Variants in DLGAP2 observed in about 807,000 individuals in gnomAD.
DLGAP2 encodes the protein disks large-associated protein 2.
A neutral mutation model predicts 100.3 loss-of-function variants in DLGAP2; 26 were observed. That is an observed-to-expected ratio of 0.26 (90% confidence interval 0.19 to 0.36). DLGAP2 has a LOEUF of 0.36. Among genes scored for constraint, DLGAP2 ranks in the 10% least tolerant of loss-of-function variants. The probability of loss-of-function intolerance (pLI) is 1.00; values close to 1 mark genes in which losing one functional copy is unlikely to be tolerated. For synonymous variants in DLGAP2, 886 were observed against 630.1 expected (o/e 1.41, Z -6.08); for missense variants, 1,858 against 1,453.2 (o/e 1.28, Z -4.53).
rs955279951 is a variant in DLGAP2, at chr8:1,549,184, A to G, written c.731A>G (p.His244Arg). 6.3e-7 allele frequency: 1 copy of G among 1,599,492 alleles called. No homozygotes were observed. The highest frequency in any genetic ancestry group is 8.5e-7 in the Non-Finnish European group (1 of 1,173,976). Residue 244 changes from histidine to arginine, a missense_variant, in exon 5 of 15, where the codon CAC (histidine) becomes CGC (arginine). His to Arg is a conservative substitution (Grantham distance 29, BLOSUM62 0). Coordinates refer to ENST00000637795, the MANE Select transcript of DLGAP2 (RefSeq NM_001346810.2). Reference protein sequence around the residue: ...HSVQKLFTKSHSLEGSSKSNA... With the variant: ...HSVQKLFTKSRSLEGSSKSNA... Reference sequence around the variant, plus strand: ...GTGCAGAAGCTCTTCACCAAGTCGCACTCGCTGGAGGGCTCCTCCAAAAGC... The same window carrying G: ...GTGCAGAAGCTCTTCACCAAGTCGCGCTCGCTGGAGGGCTCCTCCAAAAGC...
At chr8:1,335,602 T>G (rs868022527) in intron 3 of DLGAP2, among the ~76,000 whole-genome samples, 2 of 151,934 alleles carry the variant, frequency 1.3e-5, no homozygotes, top group Non-Finnish European at 2.9e-5. Flanking sequence ...GGTGGAAGTT[T>G]CTGGAAGCAG....
intron 3 of DLGAP2, among the ~76,000 whole-genome samples, chr8:1,457,859 T>G (rs1055054053): frequency 5.9e-5 from 9 of 151,598 alleles, no homozygotes; most frequent in Non-Finnish European, 1.2e-4. Context: ...GTCATTTTCT[T>G]TGTTAATTCT....
chr8:778,285 G>T (rs552705748), intron 1 of DLGAP2, among the ~76,000 whole-genome samples: 2 of 152,020 alleles, frequency 1.3e-5, no homozygotes, highest in African/African-American at 4.8e-5. Flanking sequence ...TTTACCTTTG[G>T]TTTGCGTGTC....
At chr8:1,287,234 T>G (rs1799944665) in intron 3 of DLGAP2, among the ~76,000 whole-genome samples, 1 of 133,820 alleles carries the variant, frequency 7.5e-6, no homozygotes, top group African/African-American at 2.9e-5. Flanking sequence ...TGTATGTGGT[T>G]TTGTTAGGAG....
chr8:1,296,047 T>C (rs1437161821), intron 3 of DLGAP2: 1 of 152,160 alleles, frequency 6.6e-6, no homozygotes, highest in Non-Finnish European at 1.5e-5. Flanking sequence ...CTGCCAACAA[T>C]CCTTTTATTT....
intron 3 of DLGAP2, among the ~76,000 whole-genome samples, chr8:1,482,074 A>C (rs1425807017): frequency 6.6e-6 from 1 of 152,234 alleles, no homozygotes; most frequent in Non-Finnish European, 1.5e-5. Context: ...CACCATGCTC[A>C]CAAGAAATGA....
At chr8:1,482,898 C>T (rs908235259) in intron 3 of DLGAP2, among the ~76,000 whole-genome samples, 2 of 152,252 alleles carry the variant, frequency 1.3e-5, no homozygotes, top group Non-Finnish European at 2.9e-5. Context: ...AAGACACGAG[C>T]GAGGACAGGG....
chr8:1,122,534 C>T (rs12541630), intron 2 of DLGAP2, among the ~76,000 whole-genome samples: 21,695 of 152,080 alleles, frequency 0.14, 1,644 homozygotes, highest in East Asian at 0.24. Context: ...TTTCTTTTAT[C>T]ATAAACTGTT....
chr8:1,683,725 C>T (rs958167447), intron 12 of DLGAP2, among the ~76,000 whole-genome samples: 11 of 147,646 alleles, frequency 7.5e-5, no homozygotes, highest in Non-Finnish European at 1.7e-4. Flanking sequence ...TCTAGACTCC[C>T]AGAGAATCAC....
intron 1 of DLGAP2, among the ~76,000 whole-genome samples, chr8:757,599 T>A (rs1162987453): frequency 6.6e-6 from 1 of 152,204 alleles, no homozygotes; most frequent in Non-Finnish European, 1.5e-5. Context: ...TCACAGCAGT[T>A]GACGGATGGT....
chr8:1,098,038 T>C (rs190914887), intron 2 of DLGAP2, among the ~76,000 whole-genome samples: 2 of 152,388 alleles, frequency 1.3e-5, no homozygotes, highest in East Asian at 3.9e-4. Context: ...TCTTACTACG[T>C]TGACTGGTTT....
intron 3 of DLGAP2, among the ~76,000 whole-genome samples, chr8:1,407,452 T>G (rs1375289424): frequency 7.0e-6 from 1 of 142,814 alleles, no homozygotes; most frequent in Non-Finnish European, 1.5e-5. Flanking sequence ...GAGTGCTTAC[T>G]GAGCGCCACC....
intron 3 of DLGAP2, among the ~76,000 whole-genome samples, chr8:1,261,999 T>C (rs1475469868): frequency 6.6e-6 from 1 of 152,228 alleles, no homozygotes; most frequent in Non-Finnish European, 1.5e-5. Flanking sequence ...AGCATCTCGC[T>C]TTCTTGTCAG....
intron 3 of DLGAP2, among the ~76,000 whole-genome samples, chr8:1,479,415 C>A (rs983175468): frequency 6.6e-6 from 1 of 152,182 alleles, no homozygotes; most frequent in Non-Finnish European, 1.5e-5. Flanking sequence ...GGGAAGCTGG[C>A]AGGATTTACT....
intron 1 of DLGAP2, chr8:739,063 T>G (rs971868150): frequency 4.5e-5 from 7 of 155,154 alleles, no homozygotes; most frequent in African/African-American, 1.4e-4. Flanking sequence ...TCGTGACTTG[T>G]CGGCGGCCCC....
At chr8:975,081 C>T (rs964283269) in intron 2 of DLGAP2, among the ~76,000 whole-genome samples, 1 of 152,084 alleles carries the variant, frequency 6.6e-6, no homozygotes, top group Non-Finnish European at 1.5e-5. Context: ...ATTCCAGGAA[C>T]ATTAAAAAGA....
intron 5 of DLGAP2, among the ~76,000 whole-genome samples, chr8:1,564,085 T>C (rs1802296092): frequency 6.6e-6 from 1 of 152,196 alleles, no homozygotes; most frequent in Non-Finnish European, 1.5e-5. Context: ...GATGAGCTAG[T>C]TGCTGTGGAA....
intron 2 of DLGAP2, among the ~76,000 whole-genome samples, chr8:1,185,210 A>T (rs114584101): frequency 4.7e-4 from 72 of 152,230 alleles, no homozygotes; most frequent in African/African-American, 1.7e-3. Context: ...CCAGGGCTCC[A>T]CAGAAAGGTG....
intron 3 of DLGAP2, among the ~76,000 whole-genome samples, chr8:1,434,926 C>T (rs113610631): frequency 1.3e-5 from 2 of 152,196 alleles, no homozygotes; most frequent in African/African-American, 2.4e-5. Context: ...AATGGGCGTG[C>T]CTGGTCTGCA....
Sources: allele counts gnomAD v4.1 joint callset (sites outside exome capture counted in the v4.1 genomes callset), GRCh38; gene constraint gnomAD v4.1.1; transcripts MANE v1.5; gene names NCBI Gene and HGNC (gene_info 2026-07-23, HGNC 2026-07-21).